The following CCNB3 variants were observed in gnomAD, a reference collection of about 807,000 sequenced individuals.
CCNB3 encodes cyclin B3.
A neutral mutation model predicts 68.0 loss-of-function variants in CCNB3; 12 were observed. That is an observed-to-expected ratio of 0.18 (90% confidence interval 0.11 to 0.29). CCNB3 has a LOEUF of 0.29. Among genes scored for constraint, CCNB3 ranks in the 10% least tolerant of loss-of-function variants. The pLI, the probability that CCNB3 is intolerant of heterozygous loss-of-function variation, is 1.00. For synonymous variants in CCNB3, 354 were observed against 388.9 expected (o/e 0.91, Z 1.06); for missense variants, 904 against 993.1 (o/e 0.91, Z 1.21).
At position 50,294,961 on chromosome X, in the gene CCNB3, A is replaced by C. The variant is rs1936424492; in HGVS notation, c.303A>C (p.Gly101=). 8.3e-6 allele frequency: 10 copies of C among 1,206,003 alleles called. No homozygotes were observed. The highest frequency in any genetic ancestry group is 1.8e-5 in the African/African-American group (1 of 56,905). ...KKINRNTHAL[G]LAKKNKRNLK... The stretch of plus-strand genomic sequence containing the variant: ...TAAACAGGAACACACATGCTCTTGG[A>C]CTGGCCAAAAAGAATAAGCGGAATC... The change falls in exon 5 of 13, where the codon GGA becomes GGC. Residue 101 remains glycine, a synonymous_variant. Transcript: ENST00000376042.
intron 1 of CCNB3, among the ~76,000 whole-genome samples, chrX:50,213,722 G>T (rs1221093109): frequency 9.0e-6 from 1 of 110,853 alleles, no homozygotes; most frequent in Non-Finnish European, 1.9e-5. Context: ...TTTCCTATTG[G>T]GTGTGTTATA....
chrX:50,334,287 C>T (rs1302843760), intron 8 of CCNB3, among the ~76,000 whole-genome samples: 4 of 112,742 alleles, frequency 3.5e-5, no homozygotes, highest in Non-Finnish European at 7.5e-5. Context: ...CACAGTTATG[C>T]TCTACCAGGC....
At chrX:50,288,733 G>C (rs977662761) in intron 3 of CCNB3, 47 bp from the exon 4 acceptor site, 1 of 986,925 alleles carries the variant, frequency 1.0e-6, no homozygotes. Flanking sequence ...TCCCTGAAGA[G>C]ACTGTTCACA....
intron 1 of CCNB3, among the ~76,000 whole-genome samples, chrX:50,218,752 G>T (rs1935621953): frequency 8.9e-6 from 1 of 112,035 alleles, no homozygotes; most frequent in Non-Finnish European, 1.9e-5. Context: ...ACATGTGCAT[G>T]TGTCTTTATA....
At chrX:50,284,248 C>G (rs181299136) in intron 1 of CCNB3, among the ~76,000 whole-genome samples, 61 of 111,218 alleles carry the variant, frequency 5.5e-4, no homozygotes, top group Admixed American at 5.2e-3. Context: ...TTTAGTTTGC[C>G]CTCACATCTG....
intron 5 of CCNB3, among the ~76,000 whole-genome samples, chrX:50,304,594 C>A (rs1936720123): frequency 8.9e-6 from 1 of 111,812 alleles, no homozygotes. Flanking sequence ...TAGGCATGGG[C>A]AAGGACTTCA....
chrX:50,222,286 G>A (rs1401682217), intron 1 of CCNB3, among the ~76,000 whole-genome samples: 3 of 111,489 alleles, frequency 2.7e-5, no homozygotes, highest in African/African-American at 9.8e-5. Context: ...ATATTTTTAT[G>A]TGTGAATTTG....
intron 11 of CCNB3, among the ~76,000 whole-genome samples, chrX:50,348,929 G>A (rs782767486): frequency 3.5e-5 from 4 of 112,758 alleles, no homozygotes; most frequent in South Asian, 7.3e-4. Context: ...CCGTGAGGGG[G>A]ACAGCTGATG....
At chrX:50,213,097 A>G (rs1210951469) in intron 1 of CCNB3, among the ~76,000 whole-genome samples, 8 of 102,964 alleles carry the variant, frequency 7.8e-5, no homozygotes, top group Non-Finnish European at 1.4e-4. Context: ...TCAAATGACA[A>G]TATTCTTAGG....
chrX:50,302,833 C>T (rs189545950), intron 5 of CCNB3, among the ~76,000 whole-genome samples: 1 of 112,180 alleles, frequency 8.9e-6, no homozygotes, highest in African/African-American at 3.2e-5. Context: ...TGCATATATA[C>T]AACACATTTG....
At chrX:50,297,225 A>G (rs2147039839) in intron 5 of CCNB3, among the ~76,000 whole-genome samples, 1 of 111,708 alleles carries the variant, frequency 9.0e-6, no homozygotes, top group South Asian at 3.8e-4. Context: ...CCTGAATGGT[A>G]TTGCCTAGGT....
At position 50,351,695 on chromosome X, in the gene CCNB3, G is replaced by T. The variant is rs1557221225; in HGVS notation, c.4180G>T (p.Val1394Leu). ...LNCDCEAQGL[V>L]L ...CTGTGATTGTGAGGCTCAGGGCCTGGTACTCTAGCAGCAGCCACAGGGCTA... is the reference window on the plus strand; with the variant it reads ...CTGTGATTGTGAGGCTCAGGGCCTGTTACTCTAGCAGCAGCCACAGGGCTA... The change falls in exon 13 of 13, where the codon GTA becomes TTA. Residue 1394 changes from valine (V) to leucine (L), a missense_variant. Physicochemically the swap from Val to Leu is conservative, Grantham distance 32. This residue lies in a region of CCNB3 where 285 missense variants were observed against 383.4 expected (regional missense o/e 0.74). Transcript: ENST00000376042. 8.3e-7 allele frequency: 1 copy of T among 1,203,637 alleles called. No homozygotes were observed. The highest frequency in any genetic ancestry group is 2.2e-5 in the Admixed American group (1 of 45,964).
chrX:50,216,514 C>T (rs1419967331), intron 1 of CCNB3, among the ~76,000 whole-genome samples: 1 of 110,677 alleles, frequency 9.0e-6, no homozygotes, highest in African/African-American at 3.3e-5. Flanking sequence ...CTGATCCGCT[C>T]GCCTCGGCCT....
chrX:50,301,862 G>A (rs929230693), intron 5 of CCNB3, among the ~76,000 whole-genome samples: 11 of 112,555 alleles, frequency 9.8e-5, no homozygotes, highest in African/African-American at 3.6e-4. Flanking sequence ...GCTTGCTGCT[G>A]CCTTGCAGTT....
At chrX:50,226,997 A>ATAGTATATATATAG (rs1169802234) in intron 1 of CCNB3, among the ~76,000 whole-genome samples, 2 of 78,173 alleles carry the variant, frequency 2.6e-5, no homozygotes, top group Admixed American at 1.9e-4. Flanking sequence ...TAGAATATAT[A>ATAGTATATATATAG]AATATATAGA....
intron 9 of CCNB3, among the ~76,000 whole-genome samples, chrX:50,342,878 C>T (rs782694313): frequency 2.1e-4 from 23 of 110,149 alleles, no homozygotes; most frequent in Non-Finnish European, 3.4e-4. Flanking sequence ...GGCTAATTTC[C>T]AGAAATTTTT....
chrX:50,329,579 C>G lies in CCNB3; in HGVS notation c.3517-12623C>G, dbSNP rs781924705. Among the ~76,000 whole-genome samples the G allele has an allele frequency of 7.1e-5, 8 of 112,763 alleles. 1 individual carries two copies. Among genetic ancestry groups the G allele is most frequent in the African/African-American group, 2.6e-4 (8 of 31,102 alleles). ...GAGTCTGCACATGGAAGCAGCCCCC[C>G]ACTCACCCTCCTAGGCCTCTGGGTC... is the stretch of plus-strand genomic sequence containing the variant. On this transcript the variant is annotated intron_variant, in intron 8 of 12. Transcript: ENST00000376042.
chrX:50,281,781 G>A (rs1260434610), intron 1 of CCNB3, among the ~76,000 whole-genome samples: 1 of 111,717 alleles, frequency 9.0e-6, no homozygotes, highest in Non-Finnish European at 1.9e-5. Context: ...TCATCTACAA[G>A]TGCAGAGGGA....
intron 1 of CCNB3, among the ~76,000 whole-genome samples, chrX:50,207,507 T>C (rs77052989): frequency 8.9e-6 from 1 of 111,781 alleles, no homozygotes; most frequent in Non-Finnish European, 1.9e-5. Flanking sequence ...AAATGCCTAA[T>C]GATATTTACA....
Sources: gnomAD v4.1 joint callset for allele counts (sites outside exome capture counted in the v4.1 genomes callset) on GRCh38, gnomAD v4.1.1 for gene constraint, gnomAD v4.1.1 regional missense constraint, MANE v1.5 for transcripts, NCBI Gene and HGNC (gene_info 2026-07-23, HGNC 2026-07-21) for gene names.